Variants in GALNT9 observed in about 807,000 individuals in gnomAD.
The protein encoded by GALNT9 is GalNAc transferase 9.
GALNT9 carries 47 observed loss-of-function variants against 63.1 expected under a neutral mutation model. That is an observed-to-expected ratio of 0.75 (90% CI 0.59 to 0.95). The LOEUF is 0.95. Among genes scored for constraint, GALNT9 ranks in the 40% least tolerant of loss-of-function variants. The pLI is 0.00. For missense variants in GALNT9, 829 were observed against 874.8 expected (o/e 0.95, Z 0.66); for synonymous variants, 396 against 365.7 (o/e 1.08, Z -0.94).
chr12:132,243,509 G>T (rs1379353016), intron 6 of GALNT9, among the ~76,000 whole-genome samples: 1 of 147,830 alleles, frequency 6.8e-6, no homozygotes, highest in Admixed American at 6.8e-5. Flanking sequence ...AACGAAGTTG[G>T]GTTCGTAGGG....
chr12:132,287,072 C>G lies in GALNT9; in HGVS notation c.239-642G>C, dbSNP rs868938554. Among the ~76,000 whole-genome samples, 11 of 107,516 alleles carry G rather than the reference C, an allele frequency of 1.0e-4. 1 individual carries two copies. The highest frequency in any genetic ancestry group is 6.8e-4 in the Admixed American group (8 of 11,742). 70.5% of individuals were successfully genotyped at this position (107,516 alleles called of 152,430 possible). A position where few individuals can be genotyped will look rare whatever the true frequency, so the allele number is the denominator to read the frequency against. ...CACTGAGTGAGCGCCCCCCCCCCCCCCCGTGAGCCACAGCCCTCAGTGAGT... is the reference window on the plus strand; with the variant it reads ...CACTGAGTGAGCGCCCCCCCCCCCCGCCGTGAGCCACAGCCCTCAGTGAGT... On this transcript the variant is annotated intron_variant, in intron 1 of 10. Coordinates refer to ENST00000328957, the MANE Select transcript of GALNT9 (RefSeq NM_001122636.2).
At chr12:132,239,497 CAGAG>C (rs372010996) in intron 6 of GALNT9, among the ~76,000 whole-genome samples, 1 of 145,370 alleles carries the variant, frequency 6.9e-6, no homozygotes, top group Non-Finnish European at 1.5e-5. Flanking sequence ...TACAGAGAGA[CAGAG>C]AGAGACACAC....
At chr12:132,303,645 A>G (rs1353402972) in intron 1 of GALNT9, among the ~76,000 whole-genome samples, 1 of 78,260 alleles carries the variant, frequency 1.3e-5, no homozygotes, top group Non-Finnish European at 2.3e-5. Flanking sequence ...GCCCAGACAC[A>G]CCCTCGCCTG....
chr12:132,204,413 G>T (rs1303077511), intron 6 of GALNT9, among the ~76,000 whole-genome samples: 1 of 152,156 alleles, frequency 6.6e-6, no homozygotes, highest in East Asian at 1.9e-4. Flanking sequence ...ATTCTGGGTG[G>T]TCTGTGCATG....
intron 6 of GALNT9, among the ~76,000 whole-genome samples, chr12:132,204,214 G>A (rs1030009354): frequency 6.6e-6 from 1 of 152,176 alleles, no homozygotes; most frequent in Non-Finnish European, 1.5e-5. Context: ...GAACCCCCAC[G>A]CGCAGCAGAA....
Position 132,239,159 on chromosome 12 carries a change from T to A in GALNT9, c.1077+8751A>T, listed in dbSNP as rs2136896506. On this transcript the variant is annotated intron_variant, in intron 6 of 10. Coordinates refer to ENST00000328957, the MANE Select transcript of GALNT9 (RefSeq NM_001122636.2). ...GGGTGGGGGCCACACAGCATTGACA[T>A]CTGTCAGAACCCAGGAGCTGTGTGG... Among the ~76,000 whole-genome samples the A allele has an allele frequency of 5.1e-3, 746 of 146,780 alleles. 29 individuals carry two copies. In the South Asian group the frequency reaches 0.074, roughly 15 times the overall value.
chr12:132,260,643 G>C (rs1191342947), intron 4 of GALNT9, among the ~76,000 whole-genome samples: 3 of 152,226 alleles, frequency 2.0e-5, no homozygotes, highest in Admixed American at 6.5e-5. Flanking sequence ...TTCTCCTGGG[G>C]CAAGGTGGGC....
At chr12:132,259,929 A>T (rs1879299449) in intron 4 of GALNT9, among the ~76,000 whole-genome samples, 2 of 134,070 alleles carry the variant, frequency 1.5e-5, no homozygotes, top group Non-Finnish European at 3.1e-5. Context: ...TTGGGTGGAC[A>T]GGGGTGGGTC....
At chr12:132,216,966 C>G (rs1019817634) in intron 6 of GALNT9, among the ~76,000 whole-genome samples, 1 of 152,194 alleles carries the variant, frequency 6.6e-6, no homozygotes, top group African/African-American at 2.4e-5. Flanking sequence ...GTGTTGTGAT[C>G]CACTAAACTG....
chr12:132,247,800 G>A (rs1225337755), intron 6 of GALNT9, 110 bp downstream of exon 6: 6 of 1,486,808 alleles, frequency 4.0e-6, no homozygotes, highest in African/African-American at 1.4e-5. Flanking sequence ...AGCCACACTC[G>A]CCCTCACCCC....
Position 132,265,817 on chromosome 12 carries a change from C to A in GALNT9, c.420-3192G>T, listed in dbSNP as rs1879573119. On this transcript the variant is annotated intron_variant, in intron 2 of 10. Coordinates refer to ENST00000328957, the MANE Select transcript of GALNT9 (RefSeq NM_001122636.2). The surrounding 1 kb of genome is among the most constrained non-coding windows in gnomAD (Gnocchi z 5.3). Reference sequence around the variant, plus strand: ...CCAGGACACTGTACACACAGTTACACTCCAAGTTCAGCTCATTTTAATAGT... The same window carrying A: ...CCAGGACACTGTACACACAGTTACAATCCAAGTTCAGCTCATTTTAATAGT... Among the ~76,000 whole-genome samples, 1 of 152,246 alleles carries A rather than the reference C, an allele frequency of 6.6e-6. No homozygotes were observed. Among genetic ancestry groups the A allele is most frequent in the Admixed American group, 6.5e-5 (1 of 15,294 alleles).
At chr12:132,306,439 G>T (rs1881616459) in intron 1 of GALNT9, among the ~76,000 whole-genome samples, 1 of 152,234 alleles carries the variant, frequency 6.6e-6, no homozygotes, top group Admixed American at 6.5e-5. Context: ...CCTGTTGGGG[G>T]TGGTTCTCCT....
chr12:132,292,489 C>T (rs539512457), intron 1 of GALNT9, among the ~76,000 whole-genome samples: 1 of 152,372 alleles, frequency 6.6e-6, no homozygotes, highest in East Asian at 1.9e-4. Context: ...CCCTCGAGGG[C>T]CCTGCTGTAA....
intron 6 of GALNT9, among the ~76,000 whole-genome samples, chr12:132,220,183 C>T (rs141995422): frequency 5.5e-4 from 84 of 152,078 alleles, no homozygotes; most frequent in African/African-American, 2.0e-3. Flanking sequence ...CACCTAAGCC[C>T]AGGAGTTGGA....
Position 132,216,636 on chromosome 12 carries a change from C to T in GALNT9, c.1078-12946G>A, listed in dbSNP as rs139261984. 1.6e-4 allele frequency among the ~76,000 whole-genome samples: 24 copies of T among 152,342 alleles called. No homozygotes were observed. The East Asian group carries it at 3.9e-3, about 25-fold the overall frequency. ...TGGGTGTCTTCCTTCCTAAGATCTG[C>T]GTGCCCACGTGGCTACCTTGGGAGG... On this transcript the variant is annotated intron_variant, in intron 6 of 10. Coordinates refer to ENST00000328957, the MANE Select transcript of GALNT9 (RefSeq NM_001122636.2).
intron 1 of GALNT9, among the ~76,000 whole-genome samples, chr12:132,297,803 CATA>C (rs1881129570): frequency 6.6e-6 from 1 of 151,644 alleles, no homozygotes; most frequent in Non-Finnish European, 1.5e-5. Flanking sequence ...AACTCACTCT[CATA>C]ATAACCAACT....
chr12:132,204,508 C>G (rs1205989916), intron 6 of GALNT9, among the ~76,000 whole-genome samples: 1 of 152,174 alleles, frequency 6.6e-6, no homozygotes, highest in Non-Finnish European at 1.5e-5. Flanking sequence ...TTCACACACT[C>G]TGCTCGATTC....
intron 5 of GALNT9, among the ~76,000 whole-genome samples, chr12:132,250,971 G>A (rs1878893584): frequency 6.6e-6 from 1 of 152,204 alleles, no homozygotes; most frequent in South Asian, 2.1e-4. Flanking sequence ...GGATAGGTAC[G>A]TAAACAGCAG....
chr12:132,236,705 G>C lies in GALNT9; in HGVS notation c.1077+11205C>G, dbSNP rs183348500. Among the ~76,000 whole-genome samples, 244 of 152,290 alleles carry C rather than the reference G, an allele frequency of 1.6e-3. 1 individual carries two copies. Among genetic ancestry groups the C allele is most frequent in the African/African-American group, 5.6e-3 (232 of 41,538 alleles). ...AGCCTCGCAAGGTGTAAGGTTTCGGGGCATCAAGCCTGGCCTCGGCCAGCC... is the reference window on the plus strand; with the variant it reads ...AGCCTCGCAAGGTGTAAGGTTTCGGCGCATCAAGCCTGGCCTCGGCCAGCC... On this transcript the variant is annotated intron_variant, in intron 6 of 10. Coordinates refer to ENST00000328957, the MANE Select transcript of GALNT9 (RefSeq NM_001122636.2). The surrounding 1 kb of genome is among the most constrained non-coding windows in gnomAD (Gnocchi z 5.6).
Sources: allele counts gnomAD v4.1 joint callset (sites outside exome capture counted in the v4.1 genomes callset), GRCh38; gene constraint gnomAD v4.1.1; non-coding constraint Gnocchi (gnomAD v3.1); transcripts MANE v1.5; gene names NCBI Gene and HGNC (gene_info 2026-07-23, HGNC 2026-07-21).